The following CBLB variants were observed in gnomAD, a reference collection of about 807,000 sequenced individuals.
CBLB encodes the protein Cbl proto-oncogene B.
In CBLB, 31 loss-of-function variants were observed where a neutral mutation model predicts 104.9. The ratio of observed to expected loss-of-function variants is 0.30; its 90% CI spans 0.22 to 0.40. The LOEUF (loss-of-function observed/expected upper bound fraction) is 0.40. Ranked by LOEUF, CBLB falls within the 10% of genes least tolerant of loss-of-function variation. The pLI is 1.00. For missense variants in CBLB, 1,062 were observed against 1,214.6 expected (o/e 0.87, Z 1.87); for synonymous variants, 440 against 422.6 (o/e 1.04, Z -0.51).
At chr3:105,708,371 T>G (rs1455115207) in intron 10 of CBLB, among the ~76,000 whole-genome samples, 1 of 152,062 alleles carries the variant, frequency 6.6e-6, no homozygotes, top group Non-Finnish European at 1.5e-5. Flanking sequence ...TGTATAAAAA[T>G]GCAGACCAAA....
chr3:105,868,461 G>A (rs947120147), intron 1 of CBLB: 3 of 360,450 alleles, frequency 8.3e-6, no homozygotes, highest in South Asian at 1.5e-4. Flanking sequence ...GTCCGTCTAG[G>A]GCGCGGGAGG....
chr3:105,738,736 G>A (rs187575581), intron 7 of CBLB, among the ~76,000 whole-genome samples: 1 of 151,110 alleles, frequency 6.6e-6, no homozygotes, highest in Non-Finnish European at 1.5e-5. Context: ...TGTAATCATG[G>A]TAAATCAAAA....
At chr3:105,771,884 T>C (rs1375887160) in intron 4 of CBLB, among the ~76,000 whole-genome samples, 5 of 152,080 alleles carry the variant, frequency 3.3e-5, no homozygotes, top group Admixed American at 3.3e-4. Context: ...ACAGAAATTA[T>C]AGATGACACA....
intron 4 of CBLB, among the ~76,000 whole-genome samples, chr3:105,755,915 G>A (rs551352864): frequency 2.6e-4 from 40 of 152,238 alleles, no homozygotes; most frequent in African/African-American, 7.7e-4. Context: ...ATTTATTGTC[G>A]TGGAAAAGTG....
intron 4 of CBLB, among the ~76,000 whole-genome samples, chr3:105,754,079 C>G (rs1207323886): frequency 1.3e-5 from 2 of 151,888 alleles, no homozygotes; most frequent in Non-Finnish European, 2.9e-5. Flanking sequence ...GTTTGCGCAA[C>G]AGATAACCCT....
chr3:105,748,718 A>C (rs1024724292), intron 5 of CBLB, among the ~76,000 whole-genome samples: 3 of 152,208 alleles, frequency 2.0e-5, no homozygotes, highest in Non-Finnish European at 4.4e-5. Flanking sequence ...GTGACTCCCA[A>C]GTATTTGTTC....
chr3:105,832,618 TC>T (rs888039216), intron 3 of CBLB, among the ~76,000 whole-genome samples: 5 of 152,220 alleles, frequency 3.3e-5, no homozygotes, highest in Admixed American at 2.6e-4. Context: ...CTATTAAATT[TC>T]TTTTTCCATC....
At chr3:105,675,929 C>A (rs2152710579) in intron 17 of CBLB, among the ~76,000 whole-genome samples, 1 of 137,304 alleles carries the variant, frequency 7.3e-6, no homozygotes. Context: ...TGGTACCAGA[C>A]TAGAAATCTG....
chr3:105,815,138 C>A (rs1176244306), intron 3 of CBLB, among the ~76,000 whole-genome samples: 3 of 152,162 alleles, frequency 2.0e-5, no homozygotes, highest in Non-Finnish European at 4.4e-5. Context: ...AGTGCATTTT[C>A]ATGCAAAATC....
chr3:105,679,335 TTAAAAAAAAAAAA>T (rs1380653509), intron 16 of CBLB, among the ~76,000 whole-genome samples: 1 of 75,132 alleles, frequency 1.3e-5, no homozygotes, highest in Non-Finnish European at 2.5e-5. Flanking sequence ...CCTTGAGTCT[TTAAAAAAAAAAAA>T]AAAAAAAAAA....
chr3:105,666,030 A>C (rs2064410429), intron 18 of CBLB, among the ~76,000 whole-genome samples: 1 of 152,048 alleles, frequency 6.6e-6, no homozygotes, highest in Admixed American at 6.6e-5. Flanking sequence ...GTCTCAAAAA[A>C]AAAAAAAATT....
At chr3:105,779,979 A>G (rs746205089) in intron 3 of CBLB, among the ~76,000 whole-genome samples, 3 of 151,410 alleles carry the variant, frequency 2.0e-5, no homozygotes, top group Non-Finnish European at 4.4e-5. Flanking sequence ...TCAGCCTCCC[A>G]AGTAGCTGGG....
intron 13 of CBLB, among the ~76,000 whole-genome samples, chr3:105,692,488 T>C (rs535120847): frequency 5.1e-4 from 77 of 152,224 alleles, no homozygotes; most frequent in African/African-American, 1.8e-3. Flanking sequence ...GTCTGAGATA[T>C]GGACCTTTAG....
chr3:105,814,953 G>A (rs1021901703), intron 3 of CBLB, among the ~76,000 whole-genome samples: 2 of 128,334 alleles, frequency 1.6e-5, no homozygotes, highest in South Asian at 4.7e-4. Flanking sequence ...TCCTGCCCCT[G>A]TGTCTCACAC....
chr3:105,855,684 T>G (rs1055920793), intron 2 of CBLB, among the ~76,000 whole-genome samples: 6 of 152,188 alleles, frequency 3.9e-5, no homozygotes, highest in Admixed American at 1.3e-4. Flanking sequence ...TGGAAGTATA[T>G]GCGGTAACGG....
intron 17 of CBLB, among the ~76,000 whole-genome samples, chr3:105,675,648 T>C (rs993914723): frequency 6.6e-6 from 1 of 151,834 alleles, no homozygotes; most frequent in Non-Finnish European, 1.5e-5. Context: ...TTTTGGGAGG[T>C]TGAAGCAGGG....
At chr3:105,687,522 T>A (rs147429769) in intron 13 of CBLB, among the ~76,000 whole-genome samples, 1 of 152,192 alleles carries the variant, frequency 6.6e-6, no homozygotes, top group African/African-American at 2.4e-5. Flanking sequence ...AACTTACTAG[T>A]ATAAATTGTC....
chr3:105,839,379 T>C (rs1231371906), intron 3 of CBLB: 1 of 152,188 alleles, frequency 6.6e-6, no homozygotes, highest in African/African-American at 2.4e-5. Flanking sequence ...AGATAGGAAA[T>C]GTTAGTTTCA....
intron 6 of CBLB, among the ~76,000 whole-genome samples, chr3:105,741,423 T>C (rs2075565401): frequency 6.6e-6 from 1 of 151,898 alleles, no homozygotes; most frequent in African/African-American, 2.4e-5. Flanking sequence ...TGAGACAGAG[T>C]CTTGCTCTGT....
Sources: gnomAD v4.1 joint callset for allele counts (sites outside exome capture counted in the v4.1 genomes callset) on GRCh38, gnomAD v4.1.1 for gene constraint, MANE v1.5 for transcripts, NCBI Gene and HGNC (gene_info 2026-07-23, HGNC 2026-07-21) for gene names.